GALNT13: variants seen among roughly 807,000 people sequenced by gnomAD.
GALNT13 encodes the protein UDP-GalNAc:polypeptide N-acetylgalactosaminyltransferase 13.
Under a neutral mutation model 64.2 loss-of-function variants are expected in GALNT13, and 28 were observed. The observed-to-expected ratio is 0.44, with a 90% CI of 0.32 to 0.60. GALNT13 has a LOEUF of 0.60. GALNT13 is among the 20% of genes least tolerant of loss of function. The pLI is 0.05. For synonymous variants in GALNT13, 214 were observed against 224.6 expected, an observed-to-expected ratio of 0.95 and a Z score of 0.42; for missense variants, 577 against 669.8, an observed-to-expected ratio of 0.86 and a Z score of 1.53.
At chr2:153,878,411 G>A (rs912778441) in intron 1 of GALNT13, among the ~76,000 whole-genome samples, 19 of 152,008 alleles carry the variant, frequency 1.2e-4, no homozygotes, top group Non-Finnish European at 2.2e-4. Context: ...AGCTCTGGCC[G>A]GCATGGTCAT....
At chr2:153,449,789 GTCCT>G in the GALNT13 span, 1 of 152,406 alleles carries the variant, frequency 6.6e-6, no homozygotes, top group Non-Finnish European at 1.5e-5. Flanking sequence ...GAGAAACAGT[GTCCT>G]CACATGACAG....
chr2:153,088,880 C>T, the GALNT13 span, among the ~76,000 whole-genome samples: 24 of 152,114 alleles, frequency 1.6e-4, no homozygotes, highest in African/African-American at 4.8e-4. Context: ...TAGCTAAGTC[C>T]CTTGAAGATC....
At chr2:153,688,122 C>A in the GALNT13 span, among the ~76,000 whole-genome samples, 1 of 151,944 alleles carries the variant, frequency 6.6e-6, no homozygotes, top group African/African-American at 2.4e-5. Context: ...TGGTCTACTT[C>A]CTGTTTTTTA....
At chr2:153,793,665 A>C in the GALNT13 span, among the ~76,000 whole-genome samples, 1 of 152,044 alleles carries the variant, frequency 6.6e-6, no homozygotes, top group Non-Finnish European at 1.5e-5. Context: ...AAAAAAAAAA[A>C]AAAACTAGAA....
intron 4 of GALNT13, among the ~76,000 whole-genome samples, chr2:154,177,278 T>C (rs1685704117): frequency 1.3e-5 from 2 of 151,946 alleles, no homozygotes; most frequent in Non-Finnish European, 2.9e-5. Context: ...AAATGCATAT[T>C]GCTAAATTAA....
intron 4 of GALNT13, among the ~76,000 whole-genome samples, chr2:154,209,319 G>A (rs1687642492): frequency 6.6e-6 from 1 of 152,118 alleles, no homozygotes; most frequent in African/African-American, 2.4e-5. Flanking sequence ...AGTGGAGAAT[G>A]TAATGAAAGC....
the GALNT13 span, among the ~76,000 whole-genome samples, chr2:153,366,287 G>A: frequency 1.1e-4 from 16 of 152,068 alleles, no homozygotes; most frequent in Admixed American, 1.0e-3. Context: ...AATAGCTAAT[G>A]CATGCATGAT....
At chr2:153,651,541 A>T in the GALNT13 span, among the ~76,000 whole-genome samples, 1 of 152,138 alleles carries the variant, frequency 6.6e-6, no homozygotes. Context: ...ACAGCAATTA[A>T]ATAATTTTTA....
chr2:154,313,325 C>T (rs1299586594), intron 9 of GALNT13, among the ~76,000 whole-genome samples: 2 of 147,452 alleles, frequency 1.4e-5, no homozygotes, highest in Admixed American at 6.8e-5. Context: ...AGATTTCATA[C>T]ATATACACAC....
At chr2:154,250,367 A>C (rs548025379) in intron 7 of GALNT13, among the ~76,000 whole-genome samples, 1 of 152,172 alleles carries the variant, frequency 6.6e-6, no homozygotes, top group South Asian at 2.1e-4. Context: ...ATATTTTTCT[A>C]TGCCATTATT....
chr2:154,405,626 C>T (rs1699498520), intron 10 of GALNT13, among the ~76,000 whole-genome samples: 1 of 150,558 alleles, frequency 6.6e-6, no homozygotes, highest in Non-Finnish European at 1.5e-5. Context: ...TGATGGTGGG[C>T]ACCTGTAATC....
intron 9 of GALNT13, among the ~76,000 whole-genome samples, chr2:154,372,540 G>A (rs1313415446): frequency 6.6e-6 from 1 of 152,016 alleles, no homozygotes; most frequent in African/African-American, 2.4e-5. Flanking sequence ...AACGACAGGG[G>A]ACCAATCAAC....
the GALNT13 span, among the ~76,000 whole-genome samples, chr2:153,573,686 C>T: frequency 6.6e-6 from 1 of 151,976 alleles, no homozygotes; most frequent in Non-Finnish European, 1.5e-5. Context: ...CAACTTAACA[C>T]TATTTGTATG....
intron 9 of GALNT13, among the ~76,000 whole-genome samples, chr2:154,354,503 G>GT (rs1696609847): frequency 1.5e-5 from 2 of 131,248 alleles, no homozygotes; most frequent in South Asian, 5.0e-4. Flanking sequence ...GGCCATGTCA[G>GT]TTTTTCCTCT....
intron 8 of GALNT13, among the ~76,000 whole-genome samples, chr2:154,284,520 T>TACACACACACACAC (rs372990123): frequency 0.053 from 7,760 of 145,738 alleles, 218 homozygotes; most frequent in Non-Finnish European, 0.066. Flanking sequence ...TACATATAGC[T>TACACACACACACAC]ACACACACAC....
chr2:153,316,484 T>C, the GALNT13 span, among the ~76,000 whole-genome samples: 1 of 151,348 alleles, frequency 6.6e-6, no homozygotes, highest in African/African-American at 2.4e-5. Context: ...TTACTAAAAA[T>C]ACAAAAATTA....
the GALNT13 span, among the ~76,000 whole-genome samples, chr2:153,282,414 G>A: frequency 6.6e-6 from 1 of 152,044 alleles, no homozygotes; most frequent in Non-Finnish European, 1.5e-5. Context: ...TGGATAGCTA[G>A]TGTGATCCTT....
At chr2:153,184,157 T>C in the GALNT13 span, among the ~76,000 whole-genome samples, 4 of 152,210 alleles carry the variant, frequency 2.6e-5, no homozygotes, top group Admixed American at 2.6e-4. Flanking sequence ...TGAGCAATGT[T>C]GTGTAGTTTT....
At chr2:154,440,082 T>C (rs1701208078) in intron 12 of GALNT13, among the ~76,000 whole-genome samples, 1 of 152,176 alleles carries the variant, frequency 6.6e-6, no homozygotes, top group Non-Finnish European at 1.5e-5. Flanking sequence ...CAGTAAAATG[T>C]ACAGATATAG....
Sources: gnomAD v4.1 joint callset for allele counts (sites outside exome capture counted in the v4.1 genomes callset) on GRCh38, gnomAD v4.1.1 for gene constraint, MANE v1.5 for transcripts, NCBI Gene and HGNC (gene_info 2026-07-23, HGNC 2026-07-21) for gene names.